Variants in MACROD2 observed in about 807,000 individuals in gnomAD.
The protein encoded by MACROD2 is ADP-ribose glycohydrolase MACROD2.
MACROD2 carries 36 observed loss-of-function variants against 70.4 expected under a neutral mutation model. That is an observed-to-expected ratio of 0.51 (90% CI 0.39 to 0.68). The LOEUF is 0.68. Ranked by LOEUF, MACROD2 falls within the 30% of genes least tolerant of loss-of-function variation. MACROD2 has a pLI of 0.00. For synonymous variants in MACROD2, 172 were observed against 178.8 expected, an observed-to-expected ratio of 0.96 and a Z score of 0.30; for missense variants, 496 against 538.4, an observed-to-expected ratio of 0.92 and a Z score of 0.78.
At chr20:14,199,799 G>T (rs564272647) in intron 3 of MACROD2, among the ~76,000 whole-genome samples, 2 of 151,918 alleles carry the variant, frequency 1.3e-5, no homozygotes, top group South Asian at 4.2e-4. Flanking sequence ...TTTGAGGCAG[G>T]TACTATTATT....
chr20:15,844,913 A>G (rs2064213677), intron 8 of MACROD2, among the ~76,000 whole-genome samples: 1 of 152,134 alleles, frequency 6.6e-6, no homozygotes, highest in African/African-American at 2.4e-5. Flanking sequence ...TTTTATAGAA[A>G]GCATAAAAAT....
At chr20:14,024,714 G>C (rs895697383) in intron 2 of MACROD2, among the ~76,000 whole-genome samples, 4 of 152,202 alleles carry the variant, frequency 2.6e-5, no homozygotes, top group Non-Finnish European at 4.4e-5. Flanking sequence ...GCATCACAGG[G>C]ATGAAGCTAA....
chr20:14,226,237 G>GT (rs2081731956), intron 3 of MACROD2, among the ~76,000 whole-genome samples: 1 of 152,228 alleles, frequency 6.6e-6, no homozygotes, highest in Non-Finnish European at 1.5e-5. Flanking sequence ...TGATGGCGCA[G>GT]TAAGGGTGTG....
At chr20:14,629,000 TTTATTA>T (rs1351288953) in intron 4 of MACROD2, 1 of 152,210 alleles carries the variant, frequency 6.6e-6, no homozygotes, top group African/African-American at 2.4e-5. Context: ...ACACATTATA[TTTATTA>T]TTATCTTTGA....
intron 15 of MACROD2, among the ~76,000 whole-genome samples, chr20:16,016,827 A>G (rs1293845162): frequency 6.6e-6 from 1 of 152,196 alleles, no homozygotes; most frequent in African/African-American, 2.4e-5. Flanking sequence ...AGCAATGGCA[A>G]TTCCATTGTT....
At chr20:16,012,006 C>T (rs763358679) in intron 15 of MACROD2, among the ~76,000 whole-genome samples, 13 of 152,178 alleles carry the variant, frequency 8.5e-5, no homozygotes, top group Admixed American at 5.2e-4. Flanking sequence ...CAGGCAGACC[C>T]ACCAGTCAGC....
At chr20:14,071,252 G>GTGTTTTTTTTTTTT (rs2053833710) in intron 2 of MACROD2, among the ~76,000 whole-genome samples, 1 of 63,936 alleles carries the variant, frequency 1.6e-5, no homozygotes, top group African/African-American at 6.3e-5. Flanking sequence ...TTCATCTTGT[G>GTGTTTTTTTTTTTT]TTTTTTTTTT....
intron 2 of MACROD2, among the ~76,000 whole-genome samples, chr20:14,083,671 T>G (rs914536563): frequency 6.6e-6 from 1 of 152,134 alleles, no homozygotes; most frequent in Non-Finnish European, 1.5e-5. Context: ...AACTCAAGTG[T>G]AAGTATTTTA....
intron 5 of MACROD2, among the ~76,000 whole-genome samples, chr20:15,006,275 A>T (rs757730103): frequency 1.3e-5 from 2 of 151,562 alleles, no homozygotes; most frequent in East Asian, 2.0e-4. Context: ...TAGATCCATG[A>T]CCTCACTTTA....
intron 5 of MACROD2, among the ~76,000 whole-genome samples, chr20:14,982,427 G>A (rs1213307277): frequency 1.3e-5 from 2 of 152,118 alleles, no homozygotes; most frequent in Non-Finnish European, 2.9e-5. Context: ...ATGTCTCCAG[G>A]GCATGTCAGA....
intron 3 of MACROD2, among the ~76,000 whole-genome samples, chr20:14,289,393 T>G (rs923070209): frequency 5.3e-5 from 8 of 152,226 alleles, no homozygotes; most frequent in Non-Finnish European, 1.0e-4. Context: ...AATACAAAGG[T>G]GTGGCCTCTG....
At chr20:16,034,424 G>T (rs2067195499) in intron 15 of MACROD2, among the ~76,000 whole-genome samples, 1 of 151,988 alleles carries the variant, frequency 6.6e-6, no homozygotes, top group South Asian at 2.1e-4. Context: ...AGGGGAAAAT[G>T]AAATCTAATT....
At chr20:15,304,042 T>A (rs2077672484) in intron 6 of MACROD2, among the ~76,000 whole-genome samples, 1 of 152,240 alleles carries the variant, frequency 6.6e-6, no homozygotes, top group South Asian at 2.1e-4. Flanking sequence ...TGGCCTTTCC[T>A]CACCACAAGC....
In MACROD2 at chr20:14,989,969, A is replaced by T. The variant is rs565342415; in HGVS notation, c.419-239971A>T. 2.0e-5 allele frequency among the ~76,000 whole-genome samples: 3 copies of T among 152,094 alleles called. No homozygotes were observed. In the East Asian group the frequency reaches 5.8e-4, roughly 29 times the overall value. On this transcript the variant is annotated intron_variant, in intron 5 of 17. Coordinates refer to ENST00000684519, the MANE Select transcript of MACROD2 (RefSeq NM_001351661.2). ...GAATTATTTGTCTCTGGGGATCTTC[A>T]TGAGCTGTGGTTTCTCTGGGGATCT...
chr20:15,994,855 A>G (rs1351285048), intron 15 of MACROD2, among the ~76,000 whole-genome samples: 2 of 152,198 alleles, frequency 1.3e-5, no homozygotes, highest in South Asian at 2.1e-4. Context: ...ATGCTAATGC[A>G]TATATGGGTA....
intron 8 of MACROD2, among the ~76,000 whole-genome samples, chr20:15,729,638 T>C (rs961305846): frequency 6.6e-6 from 1 of 152,150 alleles, no homozygotes; most frequent in Non-Finnish European, 1.5e-5. Context: ...TTTATTTTAA[T>C]GTAGTGCCCT....
At chr20:15,381,859 G>A (rs539372259) in intron 6 of MACROD2, among the ~76,000 whole-genome samples, 48 of 152,258 alleles carry the variant, frequency 3.2e-4, no homozygotes, top group African/African-American at 1.2e-3. Flanking sequence ...CCTCTAAAAG[G>A]AGGCTGCCCA....
intron 3 of MACROD2, among the ~76,000 whole-genome samples, chr20:14,152,687 A>G (rs770372407): frequency 1.3e-5 from 2 of 152,160 alleles, no homozygotes; most frequent in African/African-American, 2.4e-5. Flanking sequence ...TCGGCCTCCC[A>G]AAGTGCTGGG....
intron 3 of MACROD2, among the ~76,000 whole-genome samples, chr20:14,116,924 A>C (rs1258267446): frequency 1.3e-5 from 2 of 151,974 alleles, no homozygotes; most frequent in East Asian, 3.9e-4. Flanking sequence ...AAAATTAGCC[A>C]GTTGTGGTGG....
Sources: gnomAD v4.1 joint callset for allele counts (sites outside exome capture counted in the v4.1 genomes callset) on GRCh38, gnomAD v4.1.1 for gene constraint, MANE v1.5 for transcripts, NCBI Gene and HGNC (gene_info 2026-07-23, HGNC 2026-07-21) for gene names.